ST18: variants seen among roughly 807,000 people sequenced by gnomAD.
ST18 encodes the protein suppression of tumorigenicity 18 protein.
ST18 carries 50 observed loss-of-function variants against 110.0 expected under a neutral mutation model. That is an observed-to-expected ratio of 0.45 (90% CI 0.36 to 0.58). ST18 has a LOEUF of 0.58. Ranked by LOEUF, ST18 falls within the 20% of genes least tolerant of loss-of-function variation. ST18 has a pLI of 0.00. For missense variants in ST18, 1,306 were observed against 1,280.1 expected (o/e 1.02, Z -0.31); for synonymous variants, 461 against 452.4 (o/e 1.02, Z -0.24).
Position 52,166,959 on chromosome 8 carries a change from G to A in ST18, c.1097C>T (p.Thr366Ile), listed in dbSNP as rs549078399. Residue 366 changes from threonine to isoleucine, a missense_variant, in exon 11 of 26, where the codon ACC becomes ATC. Physicochemically the swap from Thr to Ile is moderately conservative, Grantham distance 89. Transcript: ENST00000689386. ...ATCACATCCAGGGATCGGGCACTTG[G>A]TCTCCCTCTTTTCAGGCCTTGGTGA... ...KHSPRPEKRE[T>I]KCPIPGCDGT... The A allele has an allele frequency of 4.3e-6, 7 of 1,611,508 alleles. No homozygotes were observed. Among genetic ancestry groups the A allele is most frequent in the Admixed American group, 3.3e-5 (2 of 59,974 alleles).
At chr8:52,141,455 C>T (rs1016478792) in intron 17 of ST18, among the ~76,000 whole-genome samples, 2 of 152,162 alleles carry the variant, frequency 1.3e-5, no homozygotes, top group Admixed American at 6.5e-5. Flanking sequence ...ATCAATGACG[C>T]GGACAAGGTA....
intron 2 of ST18, among the ~76,000 whole-genome samples, chr8:52,342,822 G>A (rs190004427): frequency 3.9e-5 from 6 of 152,254 alleles, no homozygotes; most frequent in African/African-American, 9.6e-5. Flanking sequence ...ATAAAATCCC[G>A]AGACAAGATA....
intron 22 of ST18, among the ~76,000 whole-genome samples, chr8:52,129,177 C>T (rs759261353): frequency 1.3e-5 from 2 of 152,040 alleles, no homozygotes; most frequent in Non-Finnish European, 2.9e-5. Flanking sequence ...CCATTAAATT[C>T]TACATAGGCC....
At chr8:52,271,046 C>T (rs1339934854) in intron 2 of ST18, among the ~76,000 whole-genome samples, 1 of 151,840 alleles carries the variant, frequency 6.6e-6, no homozygotes, top group African/African-American at 2.4e-5. Context: ...CTACGGGCGC[C>T]CGCCGCCACG....
chr8:52,129,980 G>A (rs186205577), intron 22 of ST18, among the ~76,000 whole-genome samples: 4 of 151,896 alleles, frequency 2.6e-5, no homozygotes, highest in Non-Finnish European at 4.4e-5. Flanking sequence ...GGGAGGCAGA[G>A]GTTGCAGTGA....
chr8:52,127,734 C>T (rs2131295249), intron 22 of ST18, among the ~76,000 whole-genome samples: 1 of 151,696 alleles, frequency 6.6e-6, no homozygotes, highest in Non-Finnish European at 1.5e-5. Flanking sequence ...AGAGGCTTTG[C>T]TTCCAAAATG....
chr8:52,111,851 A>G lies in ST18; in HGVS notation c.*1347T>C, dbSNP rs1046436325. ...TGAAACAATGCTTAACTACTTTACAATCCCTGAAATAGACATTGCCTTTAC... is the reference window on the plus strand; with the variant it reads ...TGAAACAATGCTTAACTACTTTACAGTCCCTGAAATAGACATTGCCTTTAC... On this transcript the variant is annotated 3_prime_UTR_variant, in exon 26 of 26. Coordinates refer to ENST00000689386, the MANE Select transcript of ST18 (RefSeq NM_001352837.2). 2.6e-5 allele frequency: 4 copies of G among 152,616 alleles called. No homozygotes were observed. Among genetic ancestry groups the G allele is most frequent in the African/African-American group, 7.2e-5 (3 of 41,454 alleles). 9.5% of individuals were successfully genotyped at this position (152,616 alleles called of 1,614,324 possible). A position where few individuals can be genotyped will look rare whatever the true frequency, so the allele number is the denominator to read the frequency against.
Position 52,113,280 on chromosome 8 carries a change from C to T in ST18, c.3062G>A (p.Ser1021Asn). ...AYVNTLTDMY[S>N]NLERDYSPEC... ...CGGGGAATAGTCCCGTTCCAGATTGCTGTACATATCTGTGAGTGTATTTAC... is the reference window on the plus strand; with the variant it reads ...CGGGGAATAGTCCCGTTCCAGATTGTTGTACATATCTGTGAGTGTATTTAC... The change falls in exon 26 of 26, where the codon AGC (serine) becomes AAC (asparagine). Residue 1021 changes from serine (S) to asparagine (N), a missense_variant. Transcript: ENST00000689386. 6.2e-7 allele frequency: 1 copy of T among 1,614,070 alleles called. No individual in the cohort carries two copies. Among genetic ancestry groups the T allele is most frequent in the South Asian group, 1.1e-5 (1 of 91,062 alleles).
Position 52,111,212 on chromosome 8 carries a change from TAAATA to T in ST18, c.*1981_*1985del, listed in dbSNP as rs988841308. 3 of 369,626 alleles carry T rather than the reference TAAATA, an allele frequency of 8.1e-6. No homozygotes were observed. The highest frequency in any genetic ancestry group is 4.2e-5 in the African/African-American group (2 of 48,068). 22.9% of individuals were successfully genotyped at this position (369,626 alleles called of 1,614,324 possible). ...GGTTGGTAAGAGATTTCTTTTAAATTAAATAAAATATATAACAAACTTGTTAAAAT... is the reference window on the plus strand; with the variant it reads ...GGTTGGTAAGAGATTTCTTTTAAATTAAATATATAACAAACTTGTTAAAAT... On this transcript the variant is annotated 3_prime_UTR_variant, in exon 26 of 26. Transcript: ENST00000689386.
intron 2 of ST18, among the ~76,000 whole-genome samples, chr8:52,304,364 A>G (rs1370656214): frequency 6.6e-6 from 1 of 152,192 alleles, no homozygotes; most frequent in Admixed American, 6.5e-5. Flanking sequence ...ACACCATCCT[A>G]TCTGTACTGA....
Position 52,111,015 on chromosome 8 carries a change from A to G in ST18, c.*2183T>C. 1 of 398,782 alleles carries G rather than the reference A, an allele frequency of 2.5e-6. No individual in the cohort carries two copies. Among genetic ancestry groups the G allele is most frequent in the East Asian group, 3.6e-5 (1 of 28,018 alleles). The allele number at this position is 398,782 out of a possible 1,614,324, so 24.7% of individuals were successfully genotyped here. ...GTTTACAAAAGACCCAATTTACAGT[A>G]TTGATCATTAACATAGTTGAAAAGA... On this transcript the variant is annotated 3_prime_UTR_variant, in exon 26 of 26. Transcript: ENST00000689386.
intron 2 of ST18, among the ~76,000 whole-genome samples, chr8:52,300,476 C>T (rs752356710): frequency 1.3e-5 from 2 of 152,258 alleles, no homozygotes; most frequent in Admixed American, 1.3e-4. Flanking sequence ...AAGCGGTTCA[C>T]TCTGTGTTTT....
At chr8:52,400,068 TG>T (rs1452543835) in intron 2 of ST18, among the ~76,000 whole-genome samples, 2 of 152,114 alleles carry the variant, frequency 1.3e-5, no homozygotes, top group Non-Finnish European at 2.9e-5. Flanking sequence ...CATCAATATT[TG>T]CTTTATATAC....
At chr8:52,404,804 A>G (rs1843906251) in intron 2 of ST18, 1 of 152,224 alleles carries the variant, frequency 6.6e-6, no homozygotes, top group Non-Finnish European at 1.5e-5. Flanking sequence ...TAATGCTCAT[A>G]CTGTTTTTCT....
intron 2 of ST18, among the ~76,000 whole-genome samples, chr8:52,235,839 G>A (rs1012790593): frequency 1.3e-5 from 2 of 152,086 alleles, no homozygotes; most frequent in African/African-American, 2.4e-5. Flanking sequence ...TGCAGGGGGA[G>A]GGGATATTAA....
intron 8 of ST18, among the ~76,000 whole-genome samples, chr8:52,184,389 C>T (rs189418674): frequency 6.6e-6 from 1 of 152,182 alleles, no homozygotes; most frequent in South Asian, 2.1e-4. Context: ...GTATTAAAAT[C>T]TATTTAAAAG....
intron 2 of ST18, among the ~76,000 whole-genome samples, chr8:52,286,040 T>G (rs1303880732): frequency 6.6e-6 from 1 of 152,234 alleles, no homozygotes; most frequent in Non-Finnish European, 1.5e-5. Context: ...ACAAGATTTT[T>G]AAAAAATCTT....
intron 2 of ST18, among the ~76,000 whole-genome samples, chr8:52,234,359 G>C (rs2092242111): frequency 1.3e-5 from 2 of 152,068 alleles, no homozygotes; most frequent in Non-Finnish European, 1.5e-5. Flanking sequence ...CCGCCCCCCG[G>C]ATTCAAGTGA....
At chr8:52,389,489 A>C (rs1431476274) in intron 2 of ST18, among the ~76,000 whole-genome samples, 1 of 152,134 alleles carries the variant, frequency 6.6e-6, no homozygotes, top group Non-Finnish European at 1.5e-5. Flanking sequence ...CATTCTTCTG[A>C]GCACACCAGG....
Sources: allele counts gnomAD v4.1 joint callset (sites outside exome capture counted in the v4.1 genomes callset), GRCh38; gene constraint gnomAD v4.1.1; transcripts MANE v1.5; gene names NCBI Gene and HGNC (gene_info 2026-07-23, HGNC 2026-07-21).